The following ARID2 variants were observed in gnomAD, a reference collection of about 807,000 sequenced individuals.
ARID2 encodes the protein AT-rich interactive domain-containing protein 2.
In ARID2, 32 loss-of-function variants were observed where a neutral mutation model predicts 184.6. The ratio of observed to expected loss-of-function variants is 0.17; its 90% CI spans 0.13 to 0.23. The LOEUF (loss-of-function observed/expected upper bound fraction) is 0.23, where lower values mean the gene tolerates loss of function less well. ARID2 is among the 10% of genes least tolerant of loss of function. The probability of loss-of-function intolerance (pLI) is 1.00; values close to 1 mark genes in which losing one functional copy is unlikely to be tolerated. For missense variants in ARID2, 1,696 were observed against 2,197.6 expected, an observed-to-expected ratio of 0.77 and a Z score of 4.56; for synonymous variants, 836 against 772.6, an observed-to-expected ratio of 1.08 and a Z score of -1.36.
Position 45,893,649 on chromosome 12 carries a change from T to A in ARID2, c.5291T>A (p.Ile1764Lys), listed in dbSNP as rs2136462933. ...RDFTDEKEGP[I>K]TKHIRLTAAL... ...TTTAAGGATGAAAAAGAGGGACCAA[T>A]AACTAAACACATCCGACTAACAGCT... Residue 1764 changes from isoleucine to lysine, a missense_variant, in exon 20 of 21, where the codon ATA (isoleucine) becomes AAA (lysine). This residue lies in a region of ARID2 where 69 missense variants were observed against 118.2 expected (regional missense o/e 0.58). Transcript: ENST00000334344. 1 of 1,606,404 alleles carries A rather than the reference T, an allele frequency of 6.2e-7. No homozygotes were observed. Among genetic ancestry groups the A allele is most frequent in the Non-Finnish European group, 8.5e-7 (1 of 1,178,066 alleles).
At chr12:45,820,922 C>T (rs1331664622) in intron 5 of ARID2, among the ~76,000 whole-genome samples, 2 of 152,098 alleles carry the variant, frequency 1.3e-5, no homozygotes, top group African/African-American at 2.4e-5. Flanking sequence ...GAAACACAAG[C>T]GTGATGTAGG....
chr12:45,850,179 C>T lies in ARID2; in HGVS notation c.2056C>T (p.Gln686Ter). ...TVAQTVSRIP[Q>*]NPSPHTHQQQ... ...GGCACAAACTGTTTCAAGAATTCCA[C>T]AAAATCCTTCACCTCATACCCACCA... The change falls in exon 15 of 21, where the codon CAA becomes TAA. Residue 686 changes from glutamine (Q) to a stop codon, truncating the protein, a stop_gained. Coordinates refer to ENST00000334344, the MANE Select transcript of ARID2 (RefSeq NM_152641.4). LOFTEE classifies it high-confidence loss of function. 1 of 1,614,134 alleles carries T rather than the reference C, an allele frequency of 6.2e-7. No individual in the cohort carries two copies. Among genetic ancestry groups the T allele is most frequent in the Non-Finnish European group, 8.5e-7 (1 of 1,179,978 alleles).
rs2136462542 is a variant in ARID2, at chr12:45,893,549, C to T, written c.5271+6C>T. The T allele has an allele frequency of 1.2e-6, 2 of 1,613,362 alleles. No homozygotes were observed. The highest frequency in any genetic ancestry group is 8.5e-7 in the Non-Finnish European group (1 of 1,179,554). On this transcript the variant is annotated splice_donor_region_variant and intron_variant, in intron 19 of 20. Transcript: ENST00000334344. Reference sequence around the variant, plus strand: ...TTGTCTTTCGAGATTTTACAGTAAGCATGCCTTGAAACCCTTATCTGTAAA... The same window carrying T: ...TTGTCTTTCGAGATTTTACAGTAAGTATGCCTTGAAACCCTTATCTGTAAA...
At chr12:45,777,563 T>G (rs1348462004) in intron 3 of ARID2, among the ~76,000 whole-genome samples, 11 of 151,964 alleles carry the variant, frequency 7.2e-5, no homozygotes, top group Admixed American at 7.2e-4. Context: ...TGACCTTAAT[T>G]TTTCTCCGTG....
intron 3 of ARID2, among the ~76,000 whole-genome samples, chr12:45,795,532 A>G (rs1942375355): frequency 6.6e-6 from 1 of 151,760 alleles, no homozygotes; most frequent in African/African-American, 2.4e-5. Context: ...TCCCGGGTTC[A>G]CGCCATTCTC....
intron 4 of ARID2, among the ~76,000 whole-genome samples, chr12:45,815,528 C>A (rs1183077081): frequency 6.6e-6 from 1 of 151,954 alleles, no homozygotes; most frequent in African/African-American, 2.4e-5. Flanking sequence ...AAATGAAATT[C>A]TTTACTTACA....
chr12:45,730,189 G>C (rs1261860822), intron 2 of ARID2, 52 bp downstream of exon 2: 1 of 1,592,336 alleles, frequency 6.3e-7, no homozygotes, highest in Admixed American at 1.7e-5. Flanking sequence ...CCTCCAAAAA[G>C]TCTCCTTTGA....
chr12:45,847,799 G>C (rs997953070), intron 12 of ARID2, among the ~76,000 whole-genome samples: 1 of 151,928 alleles, frequency 6.6e-6, no homozygotes, highest in Non-Finnish European at 1.5e-5. Context: ...TCGGGTTTAT[G>C]GTTTTAAATA....
chr12:45,880,344 G>C (rs1325595371), intron 16 of ARID2, among the ~76,000 whole-genome samples: 1 of 152,038 alleles, frequency 6.6e-6, no homozygotes, highest in Non-Finnish European at 1.5e-5. Context: ...TATGAAGGAG[G>C]GACTTTTACT....
Position 45,842,105 on chromosome 12 carries a change from A to G in ARID2, c.1498+2609A>G, listed in dbSNP as rs528946629. The G allele has an allele frequency of 2.0e-5, 3 of 150,924 alleles. No homozygotes were observed. In the East Asian group the frequency reaches 5.8e-4, roughly 29 times the overall value. The allele number at this position is 150,924 out of a possible 1,614,324, so 9.3% of individuals were successfully genotyped here. On this transcript the variant is annotated intron_variant, in intron 11 of 20. Transcript: ENST00000334344. ...GATTCCATCTCTACAAAATCAGGAA[A>G]AAAATTAGCTGAGCATGGTGATGCA...
intron 3 of ARID2, among the ~76,000 whole-genome samples, chr12:45,761,206 A>G (rs1941672389): frequency 6.6e-6 from 1 of 152,118 alleles, no homozygotes; most frequent in African/African-American, 2.4e-5. Context: ...GAAGTTTAGC[A>G]TACTCTCCAC....
At position 45,755,804 on chromosome 12, in the gene ARID2, A is replaced by G. The variant is rs185043671; in HGVS notation, c.284+24490A>G. 2.5e-3 allele frequency: 408 copies of G among 164,952 alleles called. 1 individual carries two copies. The highest frequency in any genetic ancestry group is 9.3e-3 in the African/African-American group (386 of 41,628). The allele number at this position is 164,952 out of a possible 1,614,324, so 10.2% of individuals were successfully genotyped here. On this transcript the variant is annotated intron_variant, in intron 3 of 20. Transcript: ENST00000334344. ...ACATTGTCTTCTATTCTTCTGAACC[A>G]TGTGAGATAGAGCCTAGTGGGATAA...
At chr12:45,748,082 C>T (rs1328561866) in intron 3 of ARID2, among the ~76,000 whole-genome samples, 1 of 152,118 alleles carries the variant, frequency 6.6e-6, no homozygotes, top group Admixed American at 6.5e-5. Context: ...CAATGTACGG[C>T]CAGGTGTGGT....
intron 3 of ARID2, among the ~76,000 whole-genome samples, chr12:45,783,633 G>A (rs1030825943): frequency 4.6e-5 from 7 of 152,264 alleles, no homozygotes; most frequent in Middle Eastern, 3.4e-3. Context: ...TTTTGCATGC[G>A]CAGTTCACAG....
intron 3 of ARID2, among the ~76,000 whole-genome samples, chr12:45,807,328 A>AT (rs914927694): frequency 9.9e-5 from 15 of 151,956 alleles, no homozygotes; most frequent in African/African-American, 3.4e-4. Context: ...TACAGAGTTA[A>AT]TTTTTTTTCC....
Position 45,907,751 on chromosome 12 carries a change from CTT to C in ARID2, c.*2675_*2676del. The C allele has an allele frequency of 4.3e-6, 1 of 232,830 alleles. No homozygotes were observed. The highest frequency in any genetic ancestry group is 1.8e-4 in the South Asian group (1 of 5,518). 14.4% of individuals were successfully genotyped at this position (232,830 alleles called of 1,614,324 possible). A position where few individuals can be genotyped will look rare whatever the true frequency, so the allele number is the denominator to read the frequency against. ...CTGTAAATACATGCTTTAATGTTAT[CTT>C]TGAGAAATCTATGTAAATAATATAG... On this transcript the variant is annotated 3_prime_UTR_variant, in exon 21 of 21. Transcript: ENST00000334344.
chr12:45,734,454 T>C (rs1448626493), intron 3 of ARID2, among the ~76,000 whole-genome samples: 1 of 152,192 alleles, frequency 6.6e-6, no homozygotes, highest in Non-Finnish European at 1.5e-5. Context: ...TTCATGTAGT[T>C]CCTTTTCTTG....
intron 11 of ARID2, among the ~76,000 whole-genome samples, chr12:45,843,972 G>A (rs911697793): frequency 6.6e-6 from 1 of 152,078 alleles, no homozygotes; most frequent in Non-Finnish European, 1.5e-5. Flanking sequence ...AGTTGAATTT[G>A]CCATGAGTTC....
chr12:45,855,703 A>G (rs1002593222), intron 15 of ARID2, among the ~76,000 whole-genome samples: 6 of 152,104 alleles, frequency 3.9e-5, no homozygotes, highest in African/African-American at 1.4e-4. Flanking sequence ...TATTGCCCCC[A>G]TCCTTTTAAT....
Sources: gnomAD v4.1 joint callset for allele counts (sites outside exome capture counted in the v4.1 genomes callset) on GRCh38, gnomAD v4.1.1 for gene constraint, gnomAD v4.1.1 regional missense constraint, MANE v1.5 for transcripts, NCBI Gene and HGNC (gene_info 2026-07-23, HGNC 2026-07-21) for gene names.